The following HNMT variants were observed in gnomAD, a reference collection of about 807,000 sequenced individuals.
HNMT encodes histamine N-methyltransferase.
Under a neutral mutation model 32.1 loss-of-function variants are expected in HNMT, and 30 were observed. The ratio of observed to expected loss-of-function variants is 0.93; its 90% CI spans 0.70 to 1.27. The LOEUF is 1.27. Ranked by LOEUF, HNMT falls within the 50% of genes most tolerant of loss-of-function variation. The pLI, the probability that HNMT is intolerant of heterozygous loss-of-function variation, is 0.00. For missense variants in HNMT, 327 were observed against 346.0 expected (o/e 0.95, Z 0.43); for synonymous variants, 125 against 119.0 (o/e 1.05, Z -0.33).
intron 2 of HNMT, among the ~76,000 whole-genome samples, chr2:137,999,729 G>A (rs1681102916): frequency 6.6e-6 from 1 of 152,082 alleles, no homozygotes; most frequent in African/African-American, 2.4e-5. Context: ...CAAAACATAA[G>A]TTGGAGGCAT....
rs189388049 is a variant in HNMT, at chr2:138,008,176, T to C, written c.523+2951T>C. ...CTCAAGTAGACCTCAATGTCTGCTG[T>C]TTCCTTCTTTGTGTTCATCAGTTCT... On this transcript the variant is annotated intron_variant, in intron 5 of 5. Transcript: ENST00000280097. 3.3e-5 allele frequency among the ~76,000 whole-genome samples: 5 copies of C among 152,106 alleles called. No homozygotes were observed. The East Asian group carries it at 9.7e-4, about 30-fold the overall frequency.
chr2:138,002,603 A>G (rs1681207706), intron 4 of HNMT: 2 of 195,666 alleles, frequency 1.0e-5, no homozygotes, highest in East Asian at 1.9e-4. Flanking sequence ...GTGCACCACC[A>G]CACCCAACTA....
At chr2:138,001,599 A>G (rs1558744844) in intron 3 of HNMT, among the ~76,000 whole-genome samples, 1 of 152,292 alleles carries the variant, frequency 6.6e-6, no homozygotes, top group East Asian at 1.9e-4. Context: ...TAAATCATTC[A>G]AAAATATAAT....
At chr2:137,979,637 G>C (rs1680424364) in intron 2 of HNMT, among the ~76,000 whole-genome samples, 1 of 152,010 alleles carries the variant, frequency 6.6e-6, no homozygotes, top group African/African-American at 2.4e-5. Flanking sequence ...ATATAGTATA[G>C]CCACTACAAA....
rs943735171 is a variant in HNMT at position 138,002,007 on chromosome 2, TG to T, written c.299-55del. 6 of 1,353,776 alleles carry T rather than the reference TG, an allele frequency of 4.4e-6. No homozygotes were observed. The African/African-American group carries it at 9.0e-5, about 20-fold the overall frequency. 83.9% of individuals were successfully genotyped at this position (1,353,776 alleles called of 1,614,324 possible). A position where few individuals can be genotyped will look rare whatever the true frequency, so the allele number is the denominator to read the frequency against. ...ATTGCATTAAAATTCTAAATGGAAATGGTTTCCACATTTGCAATTAAAATTG... is the reference window on the plus strand; with the variant it reads ...ATTGCATTAAAATTCTAAATGGAAATGTTTCCACATTTGCAATTAAAATTG... On this transcript the variant is annotated intron_variant, in intron 3 of 5. Transcript: ENST00000280097.
At position 137,964,754 on chromosome 2, in the gene HNMT, C is replaced by T. The variant is rs75775540; in HGVS notation, c.137+126C>T. Reference sequence around the variant, plus strand: ...AAGGGCGAATTACTGATAGCAGCTCCCCGTCGTCCCCTCCTCGCTGCCCTG... The same window carrying T: ...AAGGGCGAATTACTGATAGCAGCTCTCCGTCGTCCCCTCCTCGCTGCCCTG... On this transcript the variant is annotated intron_variant, in intron 1 of 5. Transcript: ENST00000280097. 1.8e-4 allele frequency: 155 copies of T among 866,538 alleles called. No individual in the cohort carries two copies. The East Asian group carries it at 2.5e-3, about 14-fold the overall frequency. 53.7% of individuals were successfully genotyped at this position (866,538 alleles called of 1,614,324 possible). A position where few individuals can be genotyped will look rare whatever the true frequency, so the allele number is the denominator to read the frequency against.
rs1356347240 is a variant in HNMT, at chr2:138,016,254, T to C, written c.*2124T>C. 6.6e-6 allele frequency: 1 copy of C among 152,192 alleles called. No homozygotes were observed. Among genetic ancestry groups the C allele is most frequent in the Non-Finnish European group, 1.5e-5 (1 of 68,024 alleles). 9.4% of individuals were successfully genotyped at this position (152,192 alleles called of 1,614,324 possible). A position where few individuals can be genotyped will look rare whatever the true frequency, so the allele number is the denominator to read the frequency against. ...TGCTAAGTAAAGCGGGATCAATGAATTATTTCCTTCTCAAACATTTATCTT... is the reference window on the plus strand; with the variant it reads ...TGCTAAGTAAAGCGGGATCAATGAACTATTTCCTTCTCAAACATTTATCTT... On this transcript the variant is annotated 3_prime_UTR_variant, in exon 6 of 6. Transcript: ENST00000280097.
intron 2 of HNMT, among the ~76,000 whole-genome samples, chr2:137,998,063 T>TG (rs1189437665): frequency 6.6e-6 from 1 of 151,920 alleles, no homozygotes; most frequent in Non-Finnish European, 1.5e-5. Context: ...GGTCAATAGG[T>TG]GCAGCAAACC....
intron 1 of HNMT, among the ~76,000 whole-genome samples, chr2:137,968,112 G>T (rs1680014480): frequency 6.6e-6 from 1 of 152,068 alleles, no homozygotes; most frequent in Non-Finnish European, 1.5e-5. Flanking sequence ...GAGATGATTT[G>T]TTTCCCTATA....
chr2:138,010,494 G>A (rs1365018269), intron 5 of HNMT, among the ~76,000 whole-genome samples: 1 of 143,062 alleles, frequency 7.0e-6, no homozygotes, highest in East Asian at 2.1e-4. Context: ...GCAAATGGAA[G>A]CAGCCAGACA....
At chr2:137,983,965 C>T (rs543584132) in intron 2 of HNMT, among the ~76,000 whole-genome samples, 16 of 152,278 alleles carry the variant, frequency 1.1e-4, no homozygotes, top group African/African-American at 3.1e-4. Context: ...GTGACCTATT[C>T]TGGTTTCCCT....
At chr2:138,003,823 T>A (rs1393694033) in intron 4 of HNMT, among the ~76,000 whole-genome samples, 1 of 152,098 alleles carries the variant, frequency 6.6e-6, no homozygotes, top group African/African-American at 2.4e-5. Context: ...CCTCCTCTTA[T>A]CAAAAACCAC....
intron 2 of HNMT, among the ~76,000 whole-genome samples, chr2:137,994,591 C>A (rs541927560): frequency 2.0e-5 from 3 of 152,250 alleles, no homozygotes; most frequent in African/African-American, 7.2e-5. Context: ...TTTAACACCC[C>A]ACTGTCAGTA....
chr2:137,964,741 C>G (rs1679902060), intron 1 of HNMT, 113 bp downstream of exon 1: 1 of 992,672 alleles, frequency 1.0e-6, no homozygotes. Context: ...GGGCGAATTA[C>G]TGATAGCAGC....
chr2:137,980,046 T>C (rs887818269), intron 2 of HNMT, among the ~76,000 whole-genome samples: 4 of 151,500 alleles, frequency 2.6e-5, no homozygotes, highest in African/African-American at 7.3e-5. Context: ...GGTTTTTTTT[T>C]TTTTTTTGAG....
intron 5 of HNMT, among the ~76,000 whole-genome samples, chr2:138,008,128 T>C (rs1681383612): frequency 1.3e-5 from 2 of 152,040 alleles, no homozygotes; most frequent in Admixed American, 1.3e-4. Flanking sequence ...TTTCTGCTCC[T>C]CTTTCTCCCC....
intron 2 of HNMT, among the ~76,000 whole-genome samples, chr2:137,978,257 T>A (rs1291992551): frequency 6.7e-6 from 1 of 149,858 alleles, no homozygotes; most frequent in African/African-American, 2.4e-5. Flanking sequence ...GAATTTTAAG[T>A]ATATTTATAT....
At chr2:138,003,383 C>G (rs1374636069) in intron 4 of HNMT, among the ~76,000 whole-genome samples, 1 of 152,044 alleles carries the variant, frequency 6.6e-6, no homozygotes, top group Admixed American at 6.6e-5. Flanking sequence ...TTTGGCAATA[C>G]CACTTGATTA....
intron 2 of HNMT, among the ~76,000 whole-genome samples, chr2:137,996,892 A>C (rs1301752453): frequency 6.6e-6 from 1 of 152,122 alleles, no homozygotes; most frequent in Non-Finnish European, 1.5e-5. Flanking sequence ...TCTGATCTTC[A>C]ACAAACCTGA....
Sources: gnomAD v4.1 joint callset for allele counts (sites outside exome capture counted in the v4.1 genomes callset) on GRCh38, gnomAD v4.1.1 for gene constraint, MANE v1.5 for transcripts, NCBI Gene and HGNC (gene_info 2026-07-23, HGNC 2026-07-21) for gene names.